Variants in ASF1B observed in about 807,000 individuals in gnomAD.
The protein encoded by ASF1B is histone chaperone ASF1B.
Under a neutral mutation model 16.6 loss-of-function variants are expected in ASF1B, and 10 were observed. The ratio of observed to expected loss-of-function variants is 0.60; its 90% CI spans 0.37 to 1.02. The LOEUF (loss-of-function observed/expected upper bound fraction) is 1.02, where lower values mean the gene tolerates loss of function less well. Among genes scored for constraint, ASF1B ranks in the 50% least tolerant of loss-of-function variants. The pLI is 0.01. For synonymous variants in ASF1B, 101 were observed against 106.2 expected, an observed-to-expected ratio of 0.95 and a Z score of 0.30; for missense variants, 240 against 266.0, an observed-to-expected ratio of 0.90 and a Z score of 0.68.
intron 1 of ASF1B, among the ~76,000 whole-genome samples, chr19:14,130,787 G>GTGTGTGTATATATATATA (rs141600762): frequency 7.0e-6 from 1 of 142,440 alleles, no homozygotes; most frequent in African/African-American, 2.6e-5. Flanking sequence ...GTGTTTGTGT[G>GTGTGTGTATATATATATA]TATATATATA....
At chr19:14,129,823 G>C (rs964497680) in intron 1 of ASF1B, among the ~76,000 whole-genome samples, 1 of 151,174 alleles carries the variant, frequency 6.6e-6, no homozygotes, top group Non-Finnish European at 1.5e-5. Context: ...GAGGCGGGTG[G>C]ATTGCTTGAG....
chr19:14,121,923 CT>C (rs532286071), intron 2 of ASF1B, among the ~76,000 whole-genome samples: 321 of 141,566 alleles, frequency 2.3e-3, no homozygotes, highest in Middle Eastern at 3.6e-3. Context: ...ACCCGGCTAA[CT>C]TTTTTTTTTT....
At chr19:14,128,666 G>A (rs1967353643) in intron 1 of ASF1B, among the ~76,000 whole-genome samples, 1 of 152,122 alleles carries the variant, frequency 6.6e-6, no homozygotes, top group Middle Eastern at 3.2e-3. Flanking sequence ...TAGAGATGAG[G>A]TCTTGCTTGG....
At chr19:14,127,632 T>A (rs781239417) in intron 1 of ASF1B, among the ~76,000 whole-genome samples, 41 of 149,382 alleles carry the variant, frequency 2.7e-4, no homozygotes, top group Non-Finnish European at 3.7e-4. Context: ...CATCCCGGGG[T>A]GATCCTCCAA....
chr19:14,129,168 C>A (rs1250298453), intron 1 of ASF1B, among the ~76,000 whole-genome samples: 2 of 152,120 alleles, frequency 1.3e-5, no homozygotes, highest in Admixed American at 6.6e-5. Flanking sequence ...GTTGGAGGAT[C>A]GCTTGAGCCT....
At chr19:14,121,312 A>C in intron 3 of ASF1B, 11 of 387,664 alleles carry the variant, frequency 2.8e-5, no homozygotes, top group South Asian at 6.9e-5. Context: ...GGTTAGGGAC[A>C]GGGTCTCACT....
At position 14,121,420 on chromosome 19, in the gene ASF1B, A is replaced by G. The variant is rs1967234739; in HGVS notation, c.402+112T>C. 5 of 1,201,780 alleles carry G rather than the reference A, an allele frequency of 4.2e-6. No homozygotes were observed. In the Admixed American group the frequency reaches 6.6e-5, roughly 16 times the overall value. The allele number at this position is 1,201,780 out of a possible 1,614,324, so 74.4% of individuals were successfully genotyped here. On this transcript the variant is annotated intron_variant, in intron 3 of 3. Transcript: ENST00000263382. ...TCTAACACAGTACTGTAAGAACTGA[A>G]TATTACTTGAAAACCTTAAGAAGTG...
chr19:14,121,668 G>A lies in ASF1B; in HGVS notation c.266C>T (p.Ala89Val), dbSNP rs1967240350. The stretch of plus-strand genomic sequence containing the variant: ...GATGAGGACCACAGTCACACCCACG[G>A]CATCAGTCTCTGGGATGAGGGATGG... Reference protein sequence around the residue: ...PNPSLIPETDAVGVTVVLITC... With the variant: ...PNPSLIPETDVVGVTVVLITC... Residue 89 changes from alanine to valine, a missense_variant, in exon 3 of 4, where the codon GCC (alanine) becomes GTC (valine). Coordinates refer to ENST00000263382, the MANE Select transcript of ASF1B (RefSeq NM_018154.3). The A allele has an allele frequency of 2.5e-6, 4 of 1,613,848 alleles. No individual in the cohort carries two copies. The highest frequency in any genetic ancestry group is 1.7e-5 in the Admixed American group (1 of 59,992).
rs1967240036 is a variant in ASF1B at position 14,121,652 on chromosome 19, C to T, written c.282G>A (p.Val94=). The change falls in exon 3 of 4, where the codon GTG becomes GTA. Residue 94 remains valine (V), a synonymous_variant. Coordinates refer to ENST00000263382, the MANE Select transcript of ASF1B (RefSeq NM_018154.3). ...IPETDAVGVT[V]VLITCTYHGQ... Reference sequence around the variant, plus strand: ...CATGGTAGGTGCAGGTGATGAGGACCACAGTCACACCCACGGCATCAGTCT... The same window carrying T: ...CATGGTAGGTGCAGGTGATGAGGACTACAGTCACACCCACGGCATCAGTCT... 6.2e-7 allele frequency: 1 copy of T among 1,613,938 alleles called. No homozygotes were observed. Among genetic ancestry groups the T allele is most frequent in the Non-Finnish European group, 8.5e-7 (1 of 1,179,974 alleles).
At chr19:14,126,429 C>T (rs563406719) in intron 1 of ASF1B, among the ~76,000 whole-genome samples, 192 bp from the exon 2 acceptor site, 13 of 152,016 alleles carry the variant, frequency 8.6e-5, no homozygotes, top group East Asian at 7.7e-4. Flanking sequence ...CTCAGCCTCC[C>T]GAGTGGCTGG....
At chr19:14,120,785 C>T in intron 3 of ASF1B, 120 bp from the exon 4 acceptor site, 1 of 756,676 alleles carries the variant, frequency 1.3e-6, no homozygotes, top group Non-Finnish European at 2.2e-6. Context: ...TATGGAACTC[C>T]AGAAAACACC....
In ASF1B at chr19:14,121,443, GTGACCT is replaced by G. The variant is rs748626541; in HGVS notation, c.402+83_402+88del. 5.2e-5 allele frequency: 74 copies of G among 1,416,114 alleles called. No homozygotes were observed. The African/African-American group carries it at 9.4e-4, about 18-fold the overall frequency. 87.7% of individuals were successfully genotyped at this position (1,416,114 alleles called of 1,614,324 possible). ...GAATATTACTTGAAAACCTTAAGAA[GTGACCT>G]TGACTCTCAATTTGAATGGCTGAAC... On this transcript the variant is annotated intron_variant, in intron 3 of 3. Transcript: ENST00000263382.
intron 1 of ASF1B, among the ~76,000 whole-genome samples, chr19:14,134,417 C>T (rs1967454958): frequency 6.6e-6 from 1 of 152,136 alleles, no homozygotes; most frequent in South Asian, 2.1e-4. Context: ...ACTCTATCAG[C>T]TCCAAGCTAG....
In ASF1B at chr19:14,120,126, G is replaced by C; in HGVS notation, c.*333C>G. 1 of 260,010 alleles carries C rather than the reference G, an allele frequency of 3.8e-6. No homozygotes were observed. The highest frequency in any genetic ancestry group is 1.2e-4 in the East Asian group (1 of 8,620). 16.1% of individuals were successfully genotyped at this position (260,010 alleles called of 1,614,324 possible). ...ACTGACCAAGAAAGCCTCTAGGTGGGCCAGGGAGGTCTGTGGGAAAGCTTT... is the reference window on the plus strand; with the variant it reads ...ACTGACCAAGAAAGCCTCTAGGTGGCCCAGGGAGGTCTGTGGGAAAGCTTT... On this transcript the variant is annotated 3_prime_UTR_variant, in exon 4 of 4. Coordinates refer to ENST00000263382, the MANE Select transcript of ASF1B (RefSeq NM_018154.3).
chr19:14,121,229 T>A (rs2144507876), intron 3 of ASF1B: 1 of 444,720 alleles, frequency 2.2e-6, no homozygotes, highest in East Asian at 3.4e-5. Context: ...CAAGCGATCC[T>A]CCCACCTCAG....
intron 2 of ASF1B, among the ~76,000 whole-genome samples, chr19:14,124,510 C>T (rs1295621896): frequency 6.6e-6 from 1 of 152,136 alleles, no homozygotes; most frequent in Non-Finnish European, 1.5e-5. Flanking sequence ...AGTCCATCCT[C>T]ATTATTCATG....
chr19:14,121,027 G>T (rs1967227628), intron 3 of ASF1B, among the ~76,000 whole-genome samples: 1 of 151,892 alleles, frequency 6.6e-6, no homozygotes, highest in Non-Finnish European at 1.5e-5. Flanking sequence ...CACCATGTTG[G>T]CCAGGCTGGT....
Position 14,126,178 on chromosome 19 carries a change from G to C in ASF1B, c.169C>G (p.Leu57Val). The change falls in exon 2 of 4, where the codon CTA becomes GTA. Residue 57 changes from leucine to valine, a missense_variant. Physicochemically the swap from Leu to Val is conservative, Grantham distance 32. Coordinates refer to ENST00000263382, the MANE Select transcript of ASF1B (RefSeq NM_018154.3). ...SAESEEFDQI[L>V]DSVLVGPVPA... The stretch of plus-strand genomic sequence containing the variant: ...ACAGGGCCCACCAGCACCGAGTCTA[G>C]GATCTGATCAAATTCCTCACTCTCA... The C allele has an allele frequency of 6.2e-7, 1 of 1,613,094 alleles. No individual in the cohort carries two copies. The highest frequency in any genetic ancestry group is 8.5e-7 in the Non-Finnish European group (1 of 1,179,728).
intron 2 of ASF1B, among the ~76,000 whole-genome samples, chr19:14,122,412 CT>C (rs1210405474): frequency 7.9e-5 from 12 of 151,640 alleles, no homozygotes; most frequent in African/African-American, 2.9e-4. Flanking sequence ...GTTACCCAGG[CT>C]GGAGTGCAAT....
Sources: gnomAD v4.1 joint callset for allele counts (sites outside exome capture counted in the v4.1 genomes callset) on GRCh38, gnomAD v4.1.1 for gene constraint, MANE v1.5 for transcripts, NCBI Gene and HGNC (gene_info 2026-07-23, HGNC 2026-07-21) for gene names.